CLDN10: variants seen among roughly 807,000 people sequenced by gnomAD.
CLDN10 encodes the protein claudin 10.
A neutral mutation model predicts 22.9 loss-of-function variants in CLDN10; 15 were observed. The observed-to-expected ratio is 0.65, with a 90% confidence interval of 0.44 to 1.01. CLDN10 has a LOEUF of 1.01. CLDN10 is among the 50% of genes least tolerant of loss of function. The probability of loss-of-function intolerance (pLI) is 0.00; values close to 1 mark genes in which losing one functional copy is unlikely to be tolerated. For synonymous variants in CLDN10, 114 were observed against 111.4 expected, an observed-to-expected ratio of 1.02 and a Z score of -0.15; for missense variants, 247 against 287.8, an observed-to-expected ratio of 0.86 and a Z score of 1.03.
At chr13:95,468,650 C>A (rs2042601697) in intron 1 of CLDN10, among the ~76,000 whole-genome samples, 1 of 152,046 alleles carries the variant, frequency 6.6e-6, no homozygotes, top group Admixed American at 6.6e-5. Flanking sequence ...CATTTGAACC[C>A]CAGAGGTGGA....
chr13:95,460,180 A>G (rs765652176), intron 1 of CLDN10, among the ~76,000 whole-genome samples: 16 of 152,222 alleles, frequency 1.1e-4, no homozygotes, highest in Non-Finnish European at 2.1e-4. Context: ...TATTTTGGTC[A>G]AAGTCATTCA....
At chr13:95,441,788 A>G (rs1311811076) in intron 1 of CLDN10, among the ~76,000 whole-genome samples, 1 of 152,186 alleles carries the variant, frequency 6.6e-6, no homozygotes, top group Non-Finnish European at 1.5e-5. Context: ...AATGTGATGG[A>G]CCCAACATTT....
At chr13:95,577,823 G>A in intron 4 of CLDN10, 77 bp from the exon 5 acceptor site, 1 of 846,588 alleles carries the variant, frequency 1.2e-6, no homozygotes, top group Non-Finnish European at 1.9e-6. Flanking sequence ...GGCAGAGACA[G>A]GCCGAAACAG....
At chr13:95,534,598 T>C (rs2043380591) in intron 1 of CLDN10, among the ~76,000 whole-genome samples, 1 of 152,234 alleles carries the variant, frequency 6.6e-6, no homozygotes, top group South Asian at 2.1e-4. Context: ...GAATTTAGTA[T>C]AATGCATGAT....
At chr13:95,515,161 C>T (rs766795911) in intron 1 of CLDN10, among the ~76,000 whole-genome samples, 5 of 147,872 alleles carry the variant, frequency 3.4e-5, no homozygotes, top group African/African-American at 1.0e-4. Context: ...ACTCAACCCA[C>T]TGCACCTGGC....
chr13:95,434,095 C>T (rs1209573571), intron 1 of CLDN10: 5 of 1,533,258 alleles, frequency 3.3e-6, no homozygotes, highest in Non-Finnish European at 2.7e-6. Flanking sequence ...GTACTTTTCC[C>T]CCCGACTGTG....
chr13:95,555,427 C>T (rs1226152705), intron 1 of CLDN10, among the ~76,000 whole-genome samples: 2 of 152,012 alleles, frequency 1.3e-5, no homozygotes, highest in African/African-American at 2.4e-5. Flanking sequence ...ACTCACTGAC[C>T]GTTTTTTTTT....
intron 1 of CLDN10, among the ~76,000 whole-genome samples, chr13:95,498,748 A>C (rs1317588334): frequency 6.6e-6 from 1 of 152,228 alleles, no homozygotes; most frequent in East Asian, 1.9e-4. Flanking sequence ...TATGCACAAC[A>C]TAAACTTTAC....
At chr13:95,512,476 A>G (rs923822134) in intron 1 of CLDN10, among the ~76,000 whole-genome samples, 5 of 152,164 alleles carry the variant, frequency 3.3e-5, no homozygotes, top group Admixed American at 1.3e-4. Context: ...TGTTTTGCCA[A>G]CAAGTCTAGG....
chr13:95,439,239 A>G (rs534938444), intron 1 of CLDN10, among the ~76,000 whole-genome samples: 3 of 152,274 alleles, frequency 2.0e-5, no homozygotes, highest in East Asian at 1.9e-4. Flanking sequence ...AAATCGAGAC[A>G]CTGGCAGATT....
upstream of CLDN10, among the ~76,000 whole-genome samples, chr13:95,549,017 C>G (rs1305949478): frequency 1.3e-5 from 2 of 152,204 alleles, no homozygotes; most frequent in African/African-American, 4.8e-5. Context: ...TCCTCTATTT[C>G]TCTTTAATAA....
At chr13:95,485,252 G>C (rs1048278448) in intron 1 of CLDN10, among the ~76,000 whole-genome samples, 1 of 151,644 alleles carries the variant, frequency 6.6e-6, no homozygotes, top group African/African-American at 2.4e-5. Flanking sequence ...ACAGGCTGAC[G>C]GGGACCTGAA....
At chr13:95,467,007 G>C (rs1191809775) in intron 1 of CLDN10, among the ~76,000 whole-genome samples, 3 of 149,046 alleles carry the variant, frequency 2.0e-5, no homozygotes. Flanking sequence ...CTCCCGAGTA[G>C]CTAGGACTAC....
rs1202678357 is a variant in CLDN10 at position 95,567,879 on chromosome 13, CAT to C, written c.464+7417_464+7418del. 2.6e-5 allele frequency among the ~76,000 whole-genome samples: 4 copies of C among 152,254 alleles called. No individual in the cohort carries two copies. In the East Asian group the frequency reaches 5.8e-4, roughly 22 times the overall value. On this transcript the variant is annotated intron_variant, in intron 3 of 4. Coordinates refer to ENST00000299339, the MANE Select transcript of CLDN10 (RefSeq NM_006984.5). ...CCTTTTTTGCATCTATTGGGATAAT[CAT>C]GTGGTTTTTGTCGTTGGTTCTGTTT...
rs370244926 is a variant in CLDN10, at chr13:95,460,481, C to T, written c.214+26434C>T. On this transcript the variant is annotated intron_variant, in intron 1 of 4. Coordinates refer to the CLDN10 transcript ENST00000376873. The stretch of plus-strand genomic sequence containing the variant: ...GCAAACTTACAATCATGGTAGAAGG[C>T]GAAAAAGCCACCTTCTTCACATGGC... 1.8e-4 allele frequency among the ~76,000 whole-genome samples: 27 copies of T among 152,164 alleles called. No homozygotes were observed. In the South Asian group the frequency reaches 3.5e-3, roughly 20 times the overall value.
chr13:95,540,220 G>A lies in CLDN10; in HGVS notation c.215-19912G>A, dbSNP rs145987145. ...GAGGCTGAGGCAGAAGAATCGCTTG[G>A]ACCCGGGAGATGGAGGTTACAGTGA... On this transcript the variant is annotated intron_variant, in intron 1 of 4. Transcript: ENST00000376873. Among the ~76,000 whole-genome samples the A allele has an allele frequency of 6.0e-3, 906 of 151,922 alleles. 12 individuals are homozygous for A. The highest frequency in any genetic ancestry group is 0.021 in the African/African-American group (875 of 41,428).
chr13:95,457,925 TCAA>T (rs2042498192), intron 1 of CLDN10, among the ~76,000 whole-genome samples: 3 of 152,164 alleles, frequency 2.0e-5, no homozygotes, highest in South Asian at 4.1e-4. Flanking sequence ...ATCCTCATGG[TCAA>T]CAACAATAAT....
At chr13:95,442,430 T>C (rs1334759521) in intron 1 of CLDN10, among the ~76,000 whole-genome samples, 2 of 152,348 alleles carry the variant, frequency 1.3e-5, no homozygotes, top group East Asian at 3.9e-4. Flanking sequence ...AAGGATATTG[T>C]GCTCATGATG....
At chr13:95,497,719 G>C (rs1457069753) in intron 1 of CLDN10, among the ~76,000 whole-genome samples, 1 of 152,196 alleles carries the variant, frequency 6.6e-6, no homozygotes, top group Non-Finnish European at 1.5e-5. Flanking sequence ...ATTAGGGCCA[G>C]CTGGGAAAAT....
Sources: allele counts gnomAD v4.1 joint callset (sites outside exome capture counted in the v4.1 genomes callset), GRCh38; gene constraint gnomAD v4.1.1; transcripts MANE v1.5; gene names NCBI Gene and HGNC (gene_info 2026-07-23, HGNC 2026-07-21).